The following B3GLCT variants were observed in gnomAD, a reference collection of about 807,000 sequenced individuals.
The protein encoded by B3GLCT is beta-1,3-glucosyltransferase.
A neutral mutation model predicts 63.4 loss-of-function variants in B3GLCT; 65 were observed. The observed-to-expected ratio is 1.03, with a 90% CI of 0.84 to 1.26. The LOEUF (loss-of-function observed/expected upper bound fraction) is 1.26. Among genes scored for constraint, B3GLCT ranks in the 50% most tolerant of loss-of-function variants. The pLI is 0.00. For synonymous variants in B3GLCT, 233 were observed against 219.2 expected (o/e 1.06, Z -0.55); for missense variants, 577 against 604.8 (o/e 0.95, Z 0.48).
In B3GLCT at chr13:31,274,686, A is replaced by G. The variant is rs728930; in HGVS notation, c.780+58A>G. The stretch of plus-strand genomic sequence containing the variant: ...CAAAGGAAAAATTTAGATGCTGTGC[A>G]TAATGTCATCCTAGCACTTTAAAAT... On this transcript the variant is annotated intron_variant, in intron 9 of 14. Transcript: ENST00000343307. 324,718 of 1,592,736 alleles carry G rather than the reference A, an allele frequency of 0.2. 33,913 individuals carry two copies. Among genetic ancestry groups the G allele is most frequent in the East Asian group, 0.26 (11,577 of 44,760 alleles).
chr13:31,308,581 T>C (rs932192929), intron 12 of B3GLCT, among the ~76,000 whole-genome samples: 1 of 152,062 alleles, frequency 6.6e-6, no homozygotes, highest in African/African-American at 2.4e-5. Context: ...TTGTTCAGCA[T>C]TGAGTTGTGG....
intron 1 of B3GLCT, among the ~76,000 whole-genome samples, chr13:31,207,145 AAG>A (rs1446439623): frequency 6.6e-6 from 1 of 152,204 alleles, no homozygotes; most frequent in African/African-American, 2.4e-5. Context: ...TCTGCACACT[AAG>A]GGGGTACTTT....
chr13:31,320,147 A>T (rs376747609), intron 13 of B3GLCT, among the ~76,000 whole-genome samples: 55 of 152,310 alleles, frequency 3.6e-4, no homozygotes, highest in African/African-American at 1.3e-3. Flanking sequence ...GGACCTTTCT[A>T]AAAGCAGATC....
chr13:31,220,867 A>G (rs1379598799), intron 2 of B3GLCT, among the ~76,000 whole-genome samples: 1 of 152,236 alleles, frequency 6.6e-6, no homozygotes. Context: ...TCAGTTGCTT[A>G]GTCTAGAACT....
At chr13:31,319,792 A>G (rs1325385698) in intron 13 of B3GLCT, among the ~76,000 whole-genome samples, 2 of 152,218 alleles carry the variant, frequency 1.3e-5, no homozygotes, top group Admixed American at 6.5e-5. Context: ...TGACAGACAC[A>G]TCACACTCAA....
At position 31,326,659 on chromosome 13, in the gene B3GLCT, A is replaced by C. The variant is rs1566101288; in HGVS notation, c.1329+2764A>C. On this transcript the variant is annotated intron_variant, in intron 14 of 14. Transcript: ENST00000343307. Reference sequence around the variant, plus strand: ...TACCACACTCTGTGTCTGTTCCTCAAGTTCTTCACCACCCCTCATCCTGCC... The same window carrying C: ...TACCACACTCTGTGTCTGTTCCTCACGTTCTTCACCACCCCTCATCCTGCC... Among the ~76,000 whole-genome samples, 4 of 152,064 alleles carry C rather than the reference A, an allele frequency of 2.6e-5. 1 individual carries two copies. Among genetic ancestry groups the C allele is most frequent in the African/African-American group, 2.4e-5 (1 of 41,470 alleles).
At chr13:31,212,670 G>A (rs561317792) in intron 1 of B3GLCT, among the ~76,000 whole-genome samples, 6 of 152,082 alleles carry the variant, frequency 3.9e-5, no homozygotes, top group Admixed American at 1.3e-4. Context: ...TTGGCCTCCC[G>A]AAGTGCTGGG....
intron 6 of B3GLCT, among the ~76,000 whole-genome samples, chr13:31,258,342 A>G (rs1871845367): frequency 6.6e-6 from 1 of 152,098 alleles, no homozygotes; most frequent in African/African-American, 2.4e-5. Flanking sequence ...AAGACTTGAG[A>G]TTGGTTCATC....
intron 12 of B3GLCT, among the ~76,000 whole-genome samples, chr13:31,290,180 G>A (rs998449393): frequency 9.2e-5 from 14 of 151,832 alleles, no homozygotes; most frequent in Non-Finnish European, 1.9e-4. Context: ...ATCCATGTCC[G>A]TGCAGAAGAT....
Position 31,219,357 on chromosome 13 carries a change from C to A in B3GLCT, c.121-3595C>A, listed in dbSNP as rs572241958. Reference sequence around the variant, plus strand: ...GATTATTAAAAAGTAAAGTTAGAATCCAAATTTTCTGAATCATTGAATATT... The same window carrying A: ...GATTATTAAAAAGTAAAGTTAGAATACAAATTTTCTGAATCATTGAATATT... On this transcript the variant is annotated intron_variant, in intron 2 of 14. Coordinates refer to ENST00000343307, the MANE Select transcript of B3GLCT (RefSeq NM_194318.4). 9.3e-4 allele frequency among the ~76,000 whole-genome samples: 142 copies of A among 152,240 alleles called. 1 individual carries two copies. The highest frequency in any genetic ancestry group is 3.2e-3 in the African/African-American group (132 of 41,534).
chr13:31,308,668 C>G (rs1011649669), intron 12 of B3GLCT, among the ~76,000 whole-genome samples: 14 of 152,158 alleles, frequency 9.2e-5, no homozygotes, highest in African/African-American at 3.1e-4. Flanking sequence ...ATTAGTTATT[C>G]TCATAATCCA....
intron 1 of B3GLCT, among the ~76,000 whole-genome samples, chr13:31,206,923 C>T (rs1868987851): frequency 6.6e-6 from 1 of 152,114 alleles, no homozygotes; most frequent in African/African-American, 2.4e-5. Context: ...GATCATTTGG[C>T]AAATTTTTAA....
At position 31,258,658 on chromosome 13, in the gene B3GLCT, G is replaced by GA. The variant is rs1358136313; in HGVS notation, c.460-2281dup. Reference sequence around the variant, plus strand: ...CTGTATATCTTGTTTCTGTTTATTTGAAAAAAACATGTATACTGTCTCCCT... The same window carrying GA: ...CTGTATATCTTGTTTCTGTTTATTTGAAAAAAAACATGTATACTGTCTCCCT... On this transcript the variant is annotated intron_variant, in intron 6 of 14. Coordinates refer to ENST00000343307, the MANE Select transcript of B3GLCT (RefSeq NM_194318.4). Among the ~76,000 whole-genome samples, 8 of 151,952 alleles carry GA rather than the reference G, an allele frequency of 5.3e-5. No individual in the cohort carries two copies. In the South Asian group the frequency reaches 1.5e-3, roughly 28 times the overall value.
intron 3 of B3GLCT, among the ~76,000 whole-genome samples, chr13:31,226,774 A>T (rs1870124518): frequency 6.6e-6 from 1 of 152,174 alleles, no homozygotes; most frequent in African/African-American, 2.4e-5. Flanking sequence ...TCTTTAAAAA[A>T]AGTATTAGGA....
chr13:31,204,596 C>T (rs1358940649), intron 1 of B3GLCT, among the ~76,000 whole-genome samples: 1 of 151,996 alleles, frequency 6.6e-6, no homozygotes, highest in Non-Finnish European at 1.5e-5. Flanking sequence ...CCTTGCAGAT[C>T]AGGGGACATA....
intron 1 of B3GLCT, among the ~76,000 whole-genome samples, chr13:31,213,621 A>AG (rs1264368259): frequency 7.3e-5 from 4 of 55,046 alleles, no homozygotes; most frequent in East Asian, 3.0e-3. Context: ...CCCCCACCCC[A>AG]CCCCCCCCCC....
intron 14 of B3GLCT, among the ~76,000 whole-genome samples, chr13:31,325,388 G>T (rs542397855): frequency 8.2e-4 from 125 of 152,242 alleles, no homozygotes; most frequent in African/African-American, 2.9e-3. Context: ...AATAAAAGGG[G>T]TAATTAAAAC....
Position 31,332,227 on chromosome 13 carries a change from A to G in B3GLCT, c.*2559A>G, listed in dbSNP as rs1445915246. 6.6e-6 allele frequency: 1 copy of G among 152,132 alleles called. No homozygotes were observed. The highest frequency in any genetic ancestry group is 1.5e-5 in the Non-Finnish European group (1 of 68,006). 9.4% of individuals were successfully genotyped at this position (152,132 alleles called of 1,614,324 possible). ...TTTCTATTGTCTTCCATTCATAATC[A>G]GAGATGTAATTTGTATGGACTAAAT... is the stretch of plus-strand genomic sequence containing the variant. On this transcript the variant is annotated 3_prime_UTR_variant, in exon 15 of 15. Transcript: ENST00000343307.
intron 13 of B3GLCT, among the ~76,000 whole-genome samples, 190 bp from the exon 14 acceptor site, chr13:31,323,560 AC>A (rs1156967866): frequency 6.6e-6 from 1 of 152,218 alleles, no homozygotes; most frequent in Admixed American, 6.5e-5. Flanking sequence ...GGAACTTGGT[AC>A]AAAAGTGTTG....
Sources: gnomAD v4.1 joint callset for allele counts (sites outside exome capture counted in the v4.1 genomes callset) on GRCh38, gnomAD v4.1.1 for gene constraint, MANE v1.5 for transcripts, NCBI Gene and HGNC (gene_info 2026-07-23, HGNC 2026-07-21) for gene names.